Variants in UBAC2 observed in about 807,000 individuals in gnomAD.
The protein encoded by UBAC2 is ubiquitin-associated domain-containing protein 2.
UBAC2 carries 26 observed loss-of-function variants against 44.0 expected under a neutral mutation model. That is an observed-to-expected ratio of 0.59 (90% CI 0.43 to 0.82). UBAC2 has a LOEUF of 0.82. Among genes scored for constraint, UBAC2 ranks in the 40% least tolerant of loss-of-function variants. UBAC2 has a pLI of 0.00. For synonymous variants in UBAC2, 155 were observed against 154.3 expected (o/e 1.00, Z -0.04); for missense variants, 329 against 419.4 (o/e 0.78, Z 1.88).
chr13:99,287,440 A>G (rs1435141579), intron 4 of UBAC2, among the ~76,000 whole-genome samples: 1 of 151,286 alleles, frequency 6.6e-6, no homozygotes, highest in African/African-American at 2.4e-5. Flanking sequence ...TTTTTTTTAA[A>G]TTTTGAGACA....
chr13:99,264,450 G>T (rs557659167), intron 4 of UBAC2, among the ~76,000 whole-genome samples: 80 of 152,334 alleles, frequency 5.3e-4, no homozygotes, highest in African/African-American at 1.9e-3. Flanking sequence ...CTTGTGTAAA[G>T]TGCATGCTGT....
chr13:99,332,472 T>C (rs1388339080), intron 6 of UBAC2, among the ~76,000 whole-genome samples: 1 of 152,204 alleles, frequency 6.6e-6, no homozygotes. Flanking sequence ...TTGCCTTACA[T>C]TCTCAGACTT....
intron 8 of UBAC2, among the ~76,000 whole-genome samples, chr13:99,373,397 A>C (rs991763381): frequency 6.6e-6 from 1 of 152,234 alleles, no homozygotes; most frequent in Non-Finnish European, 1.5e-5. Flanking sequence ...GGGATTTAAC[A>C]AAAGGAAGAT....
At chr13:99,372,911 G>A (rs893941924) in intron 8 of UBAC2, among the ~76,000 whole-genome samples, 16 of 152,256 alleles carry the variant, frequency 1.1e-4, no homozygotes, top group Admixed American at 3.9e-4. Context: ...TCAGGAGATC[G>A]AGACCATCCC....
chr13:99,304,553 C>T (rs1003925181), intron 4 of UBAC2, among the ~76,000 whole-genome samples: 5 of 152,122 alleles, frequency 3.3e-5, no homozygotes, highest in Non-Finnish European at 7.3e-5. Flanking sequence ...AGCAACATTG[C>T]AGCTTTCTTA....
chr13:99,326,771 C>G (rs1282834839), intron 6 of UBAC2, among the ~76,000 whole-genome samples: 1 of 152,192 alleles, frequency 6.6e-6, no homozygotes, highest in Non-Finnish European at 1.5e-5. Flanking sequence ...CACTGCACAT[C>G]TCAAGGCTCT....
chr13:99,274,614 C>T (rs965759309), intron 4 of UBAC2, among the ~76,000 whole-genome samples: 15 of 152,086 alleles, frequency 9.9e-5, no homozygotes, highest in Admixed American at 2.0e-4. Context: ...GCATGAGGCA[C>T]GTGCCTGGCC....
chr13:99,222,058 C>T (rs1288060288), intron 1 of UBAC2, among the ~76,000 whole-genome samples: 1 of 152,148 alleles, frequency 6.6e-6, no homozygotes, highest in Admixed American at 6.6e-5. Flanking sequence ...GTAATTCATT[C>T]ACCACATAGT....
At chr13:99,215,466 C>CAATT in intron 1 of UBAC2, 1 of 1,392,932 alleles carries the variant, frequency 7.2e-7, no homozygotes, top group Non-Finnish European at 1.0e-6. Flanking sequence ...GATGAGAATC[C>CAATT]AATTCTTCAT....
chr13:99,367,292 G>A (rs565744999), intron 7 of UBAC2, among the ~76,000 whole-genome samples: 1 of 152,298 alleles, frequency 6.6e-6, no homozygotes, highest in South Asian at 2.1e-4. Flanking sequence ...GTGCGCTCAG[G>A]ATTTACTTCA....
At chr13:99,261,666 GA>G (rs2138644124) in intron 4 of UBAC2, 1 of 152,416 alleles carries the variant, frequency 6.6e-6, no homozygotes, top group South Asian at 2.1e-4. Context: ...ATATATAAGT[GA>G]TGGCAGTGAA....
intron 1 of UBAC2, among the ~76,000 whole-genome samples, chr13:99,223,197 TACATA>T (rs1052215011): frequency 7.2e-5 from 11 of 152,166 alleles, no homozygotes; most frequent in Non-Finnish European, 1.2e-4. Context: ...TGATAAGAAA[TACATA>T]ACATAAAACT....
At chr13:99,364,050 T>C (rs2045299574) in intron 7 of UBAC2, among the ~76,000 whole-genome samples, 2 of 152,196 alleles carry the variant, frequency 1.3e-5, no homozygotes, top group African/African-American at 4.8e-5. Flanking sequence ...TGAGAGACAT[T>C]TGTAAACACT....
intron 4 of UBAC2, among the ~76,000 whole-genome samples, chr13:99,313,682 C>T (rs557877437): frequency 1.3e-5 from 2 of 152,094 alleles, no homozygotes; most frequent in South Asian, 2.1e-4. Flanking sequence ...AGAGGTGAAC[C>T]GTGCCAGTGC....
rs573566392 is a variant in UBAC2 at position 99,255,919 on chromosome 13, T to C, written c.389+11295T>C. 3.3e-5 allele frequency: 48 copies of C among 1,467,840 alleles called. No individual in the cohort carries two copies. In the East Asian group the frequency reaches 1.1e-3, roughly 33 times the overall value. The allele number at this position is 1,467,840 out of a possible 1,614,324, so 90.9% of individuals were successfully genotyped here. A position where few individuals can be genotyped will look rare whatever the true frequency, so the allele number is the denominator to read the frequency against. ...TGATACTTAGAAACTGTAAAAATAG[T>C]TAAGAAAAATAAGAATAAAATCGTT... On this transcript the variant is annotated intron_variant, in intron 4 of 8. Transcript: ENST00000403766.
intron 4 of UBAC2, chr13:99,255,990 CAGTGAATTTTAAGTTCG>C (rs2043548534): frequency 1.0e-6 from 1 of 954,632 alleles, no homozygotes; most frequent in Admixed American, 2.7e-5. Context: ...GCTTGACTGC[CAGTGAATTTTAAGTTCG>C]AGAGCATTTA....
chr13:99,374,884 G>A (rs942533407), intron 8 of UBAC2, among the ~76,000 whole-genome samples: 2 of 152,140 alleles, frequency 1.3e-5, no homozygotes, highest in Non-Finnish European at 2.9e-5. Context: ...CCCCAGCATC[G>A]GTCGGAGAAG....
intron 6 of UBAC2, among the ~76,000 whole-genome samples, chr13:99,338,053 T>TC (rs1566509557): frequency 3.0e-4 from 17 of 57,302 alleles, no homozygotes; most frequent in Non-Finnish European, 5.1e-4. Flanking sequence ...TTTTCTTTTT[T>TC]TTTTTTTTTT....
At chr13:99,299,697 G>A (rs942344602) in intron 4 of UBAC2, among the ~76,000 whole-genome samples, 9 of 152,116 alleles carry the variant, frequency 5.9e-5, no homozygotes, top group East Asian at 1.9e-4. Flanking sequence ...AAAGCTTGCT[G>A]TTCAGTGTTC....
Sources: allele counts gnomAD v4.1 joint callset (sites outside exome capture counted in the v4.1 genomes callset), GRCh38; gene constraint gnomAD v4.1.1; transcripts MANE v1.5; gene names NCBI Gene and HGNC (gene_info 2026-07-23, HGNC 2026-07-21).